The following FOXP1 variants were observed in gnomAD, a reference collection of about 807,000 sequenced individuals.
The protein encoded by FOXP1 is forkhead box P1.
In FOXP1, 15 loss-of-function variants were observed where a neutral mutation model predicts 98.2. That is an observed-to-expected ratio of 0.15 (90% confidence interval 0.10 to 0.24). FOXP1 has a LOEUF of 0.24. FOXP1 is among the 10% of genes least tolerant of loss of function. FOXP1 has a pLI of 1.00. For synonymous variants in FOXP1, 371 were observed against 314.5 expected, an observed-to-expected ratio of 1.18 and a Z score of -1.90; for missense variants, 633 against 848.5, an observed-to-expected ratio of 0.75 and a Z score of 3.15.
intron 5 of FOXP1, among the ~76,000 whole-genome samples, chr3:71,261,162 A>C (rs1414708107): frequency 5.9e-5 from 9 of 152,202 alleles, no homozygotes; most frequent in African/African-American, 2.2e-4. Context: ...CTTTTAAAGT[A>C]ATACAGGCCT....
Position 71,052,600 on chromosome 3 carries a change from T to C in FOXP1, c.447A>G (p.Lys149=). The C allele has an allele frequency of 7.1e-7, 1 of 1,405,676 alleles. No homozygotes were observed. Among genetic ancestry groups the C allele is most frequent in the South Asian group, 1.1e-5 (1 of 87,038 alleles). The allele number at this position is 1,405,676 out of a possible 1,614,324, so 87.1% of individuals were successfully genotyped here. A position where few individuals can be genotyped will look rare whatever the true frequency, so the allele number is the denominator to read the frequency against. ...QQQQLQEFYK[K]QQEQLQLQLL... is the part of the protein sequence containing the mutation. ...GTTGAAGCTGCAACTGTTCCTGTTG[T>C]TTTTTATAAAACTCTTGAAGCTGCT... Residue 149 remains lysine (K), a synonymous_variant, in exon 9 of 21, where the codon AAA becomes AAG. Coordinates refer to ENST00000649528, the MANE Select transcript of FOXP1 (RefSeq NM_001349338.3).
chr3:71,073,794 C>T (rs1319747069), intron 7 of FOXP1, among the ~76,000 whole-genome samples: 1 of 152,182 alleles, frequency 6.6e-6, no homozygotes, highest in East Asian at 1.9e-4. Context: ...CTGGGGGACT[C>T]ATCTGAGGTC....
chr3:71,239,912 C>T (rs1038404185), intron 5 of FOXP1, among the ~76,000 whole-genome samples: 1 of 152,130 alleles, frequency 6.6e-6, no homozygotes, highest in African/African-American at 2.4e-5. Context: ...ATGGCAATAC[C>T]AGGAAATTTC....
At chr3:71,184,130 C>T (rs1278397492) in intron 6 of FOXP1, among the ~76,000 whole-genome samples, 1 of 152,180 alleles carries the variant, frequency 6.6e-6, no homozygotes, top group East Asian at 1.9e-4. Flanking sequence ...CCAGCCTGGG[C>T]AACAAGAGCA....
intron 2 of FOXP1, among the ~76,000 whole-genome samples, chr3:71,538,542 A>G (rs1373362743): frequency 6.6e-6 from 1 of 152,198 alleles, no homozygotes; most frequent in Non-Finnish European, 1.5e-5. Context: ...CATTCATCAC[A>G]TTTTGTTGAT....
intron 7 of FOXP1, among the ~76,000 whole-genome samples, chr3:71,082,530 C>T (rs527256741): frequency 8.1e-4 from 123 of 151,416 alleles, no homozygotes; most frequent in African/African-American, 2.8e-3. Context: ...ATGTAGATGA[C>T]GGGTTGATGG....
chr3:71,050,046 C>T (rs1382263), intron 9 of FOXP1, among the ~76,000 whole-genome samples: 1 of 152,152 alleles, frequency 6.6e-6, no homozygotes, highest in African/African-American at 2.4e-5. Flanking sequence ...ACCTAGCGAC[C>T]TGGAGATGCA....
chr3:71,101,919 G>A (rs11915799), intron 7 of FOXP1, among the ~76,000 whole-genome samples: 2,087 of 152,256 alleles, frequency 0.014, 56 homozygotes, highest in African/African-American at 0.048. Flanking sequence ...AAGGGCCGGC[G>A]CTCTTTGCCC....
rs1560562409 is a variant in FOXP1, at chr3:71,493,405, CACAA to C, written c.-168+17_-168+20del. 6.6e-6 allele frequency: 1 copy of C among 152,186 alleles called. No individual in the cohort carries two copies. The highest frequency in any genetic ancestry group is 1.5e-5 in the Non-Finnish European group (1 of 68,032). 9.4% of individuals were successfully genotyped at this position (152,186 alleles called of 1,614,324 possible). A position where few individuals can be genotyped will look rare whatever the true frequency, so the allele number is the denominator to read the frequency against. ...TCTTGTGAATTTTCAGATGAATAATCACAAACATTCATTCACTCACCCTTTTGGC... is the reference window on the plus strand; with the variant it reads ...TCTTGTGAATTTTCAGATGAATAATCACATTCATTCACTCACCCTTTTGGC... On this transcript the variant is annotated intron_variant, in intron 3 of 20. Transcript: ENST00000649528.
intron 5 of FOXP1, among the ~76,000 whole-genome samples, chr3:71,205,439 A>T (rs1374856774): frequency 2.6e-5 from 4 of 152,224 alleles, no homozygotes; most frequent in African/African-American, 9.6e-5. Flanking sequence ...TATCTTTAAA[A>T]ATCTGGAATT....
chr3:71,279,482 C>T (rs1288819), intron 5 of FOXP1, among the ~76,000 whole-genome samples: 23,624 of 151,928 alleles, frequency 0.16, 1,970 homozygotes, highest in African/African-American at 0.19. Flanking sequence ...AGACCAGGGA[C>T]GCTGCAAAAT....
intron 2 of FOXP1, among the ~76,000 whole-genome samples, chr3:71,515,086 A>C (rs923913026): frequency 6.6e-6 from 1 of 152,180 alleles, no homozygotes; most frequent in African/African-American, 2.4e-5. Flanking sequence ...TTTAACTCAA[A>C]AAGTTTAGTT....
chr3:71,528,265 T>G (rs1264258085), intron 2 of FOXP1, among the ~76,000 whole-genome samples: 1 of 152,144 alleles, frequency 6.6e-6, no homozygotes, highest in African/African-American at 2.4e-5. Flanking sequence ...TTCCCTAACT[T>G]TCAAACTCTC....
intron 5 of FOXP1, among the ~76,000 whole-genome samples, chr3:71,241,044 A>T (rs1208369448): frequency 6.6e-6 from 1 of 151,302 alleles, no homozygotes; most frequent in Non-Finnish European, 1.5e-5. Flanking sequence ...CCCCATCTCT[A>T]CTAAAAATAC....
intron 6 of FOXP1, among the ~76,000 whole-genome samples, chr3:71,148,900 G>C (rs2060444269): frequency 6.6e-6 from 1 of 152,204 alleles, no homozygotes; most frequent in Non-Finnish European, 1.5e-5. Flanking sequence ...TAGGAGTAAA[G>C]ATAAATTGCT....
At chr3:71,024,352 CTTAA>C (rs1420406165) in intron 11 of FOXP1, among the ~76,000 whole-genome samples, 1 of 152,144 alleles carries the variant, frequency 6.6e-6, no homozygotes, top group East Asian at 1.9e-4. Flanking sequence ...AGCACACTGC[CTTAA>C]TTTTCACTTC....
rs545690343 is a variant in FOXP1 at position 71,085,890 on chromosome 3, C to G, written c.282+26646G>C. ...GACCACAGGCGGGTGCCACCACACC[C>G]AGCTATTTTTTGTATTTTTAGTAGA... On this transcript the variant is annotated intron_variant, in intron 7 of 20. Coordinates refer to ENST00000649528, the MANE Select transcript of FOXP1 (RefSeq NM_001349338.3). 2.0e-4 allele frequency among the ~76,000 whole-genome samples: 31 copies of G among 151,570 alleles called. 1 individual carries two copies. The highest frequency in any genetic ancestry group is 3.4e-4 in the Non-Finnish European group (23 of 67,802).
At chr3:71,107,953 A>G (rs1440885354) in intron 7 of FOXP1, among the ~76,000 whole-genome samples, 1 of 152,178 alleles carries the variant, frequency 6.6e-6, no homozygotes, top group Non-Finnish European at 1.5e-5. Flanking sequence ...TGAGCTTCCA[A>G]GTGGACTAAA....
At chr3:71,452,292 C>T (rs2087029701) in intron 3 of FOXP1, among the ~76,000 whole-genome samples, 2 of 152,078 alleles carry the variant, frequency 1.3e-5, no homozygotes, top group Admixed American at 6.6e-5. Context: ...AGACTAAATA[C>T]TCAGGAGTTT....
Sources: allele counts gnomAD v4.1 joint callset (sites outside exome capture counted in the v4.1 genomes callset), GRCh38; gene constraint gnomAD v4.1.1; transcripts MANE v1.5; gene names NCBI Gene and HGNC (gene_info 2026-07-23, HGNC 2026-07-21).